The following CLVS1 variants were observed in gnomAD, a reference collection of about 807,000 sequenced individuals.
CLVS1 encodes clavesin 1, also known as clavesin-1.
A neutral mutation model predicts 33.1 loss-of-function variants in CLVS1; 10 were observed. The ratio of observed to expected loss-of-function variants is 0.30; its 90% CI spans 0.19 to 0.51. The LOEUF (loss-of-function observed/expected upper bound fraction) is 0.51. Among genes scored for constraint, CLVS1 ranks in the 20% least tolerant of loss-of-function variants. CLVS1 has a pLI of 0.97. For synonymous variants in CLVS1, 163 were observed against 166.1 expected, an observed-to-expected ratio of 0.98 and a Z score of 0.14; for missense variants, 343 against 433.4, an observed-to-expected ratio of 0.79 and a Z score of 1.85.
intron 2 of CLVS1, among the ~76,000 whole-genome samples, chr8:61,177,243 C>T (rs1563432345): frequency 6.6e-6 from 1 of 152,154 alleles, no homozygotes; most frequent in Non-Finnish European, 1.5e-5. Context: ...CTCTTCAGGC[C>T]GGACACTGGC....
At chr8:61,398,975 G>A (rs150164753) in intron 3 of CLVS1, among the ~76,000 whole-genome samples, 75 of 152,140 alleles carry the variant, frequency 4.9e-4, no homozygotes, top group Middle Eastern at 3.4e-3. Flanking sequence ...GGTTGATTCC[G>A]TGTCTTTGCT....
At chr8:61,447,179 T>C (rs887182967) in intron 3 of CLVS1, among the ~76,000 whole-genome samples, 1 of 152,190 alleles carries the variant, frequency 6.6e-6, no homozygotes, top group African/African-American at 2.4e-5. Flanking sequence ...GAGAGAGTGA[T>C]ATTCAAGTCC....
chr8:61,157,174 A>G (rs911183907), intron 2 of CLVS1, among the ~76,000 whole-genome samples: 4 of 152,182 alleles, frequency 2.6e-5, no homozygotes, highest in Non-Finnish European at 5.9e-5. Flanking sequence ...TGAACTCTGG[A>G]TTCTGACCCC....
At chr8:61,419,909 C>T (rs1815589705) in intron 3 of CLVS1, among the ~76,000 whole-genome samples, 1 of 152,234 alleles carries the variant, frequency 6.6e-6, no homozygotes, top group African/African-American at 2.4e-5. Context: ...TTCCTAACCC[C>T]TTGATATTTG....
At chr8:61,205,822 T>C (rs1376589122) in intron 2 of CLVS1, among the ~76,000 whole-genome samples, 1 of 152,224 alleles carries the variant, frequency 6.6e-6, no homozygotes, top group Non-Finnish European at 1.5e-5. Flanking sequence ...GAGAAGAATG[T>C]TCTTAACACT....
the CLVS1 span, among the ~76,000 whole-genome samples, chr8:60,972,664 C>A: frequency 6.6e-6 from 1 of 152,252 alleles, no homozygotes; most frequent in African/African-American, 2.4e-5. Context: ...CCTGGACCAG[C>A]AACTCCTTTG....
At chr8:61,048,000 G>A in the CLVS1 span, among the ~76,000 whole-genome samples, 5,096 of 152,150 alleles carry the variant, frequency 0.033, 119 homozygotes, top group South Asian at 0.11. Context: ...GAAGAAAAAT[G>A]TACTATATTA....
rs553731131 is a variant in CLVS1, at chr8:61,257,126, C to T, written c.-151-42551C>T. On this transcript the variant is annotated intron_variant, in intron 2 of 2. Transcript: ENST00000522621. The stretch of plus-strand genomic sequence containing the variant: ...TGGGGTAAAATCAATTATAGCTGCA[C>T]CATTTGATTTAAACAAAACCCAGAT... Among the ~76,000 whole-genome samples, 41 of 152,260 alleles carry T rather than the reference C, an allele frequency of 2.7e-4. No homozygotes were observed. In the East Asian group the frequency reaches 6.6e-3, roughly 24 times the overall value.
intron 2 of CLVS1, among the ~76,000 whole-genome samples, chr8:61,247,056 G>A (rs1808827480): frequency 6.6e-6 from 1 of 152,146 alleles, no homozygotes; most frequent in Non-Finnish European, 1.5e-5. Flanking sequence ...AGAACATGCA[G>A]TATTTGATTT....
At chr8:61,141,561 A>C (rs17831399) in intron 2 of CLVS1, among the ~76,000 whole-genome samples, 31,740 of 152,100 alleles carry the variant, frequency 0.21, 3,706 homozygotes, top group Admixed American at 0.33. Flanking sequence ...CATCCCTGCT[A>C]CACTTTTCCT....
At chr8:61,222,526 C>T (rs559918614) in intron 2 of CLVS1, among the ~76,000 whole-genome samples, 369 of 152,294 alleles carry the variant, frequency 2.4e-3, no homozygotes, top group Non-Finnish European at 3.8e-3. Flanking sequence ...TTTGATTGCA[C>T]TGTGGTCTGA....
intron 2 of CLVS1, among the ~76,000 whole-genome samples, chr8:61,304,439 G>A (rs936214075): frequency 6.6e-6 from 1 of 152,194 alleles, no homozygotes; most frequent in African/African-American, 2.4e-5. Flanking sequence ...TTTTGAGGCT[G>A]CCAGGCCGAA....
At chr8:61,415,727 G>C (rs1815403660) in intron 3 of CLVS1, among the ~76,000 whole-genome samples, 1 of 152,096 alleles carries the variant, frequency 6.6e-6, no homozygotes, top group African/African-American at 2.4e-5. Context: ...TGTTTCCAAT[G>C]ACTGGCCACC....
intron 5 of CLVS1, among the ~76,000 whole-genome samples, chr8:61,478,826 TA>T (rs1818065204): frequency 6.6e-6 from 1 of 152,218 alleles, no homozygotes; most frequent in African/African-American, 2.4e-5. Flanking sequence ...CATTTAAGGT[TA>T]ATATTGTTAT....
chr8:61,341,254 A>G (rs1812020025), intron 2 of CLVS1, among the ~76,000 whole-genome samples: 1 of 152,166 alleles, frequency 6.6e-6, no homozygotes, highest in Non-Finnish European at 1.5e-5. Context: ...TCTGGAGGGA[A>G]CTGGGTCTGA....
At chr8:61,017,386 C>T in the CLVS1 span, among the ~76,000 whole-genome samples, 9 of 152,334 alleles carry the variant, frequency 5.9e-5, no homozygotes, top group South Asian at 1.4e-3. Flanking sequence ...GCCATAAAAC[C>T]GTCTAGCCAG....
chr8:61,153,117 A>G (rs1159167419), intron 2 of CLVS1, among the ~76,000 whole-genome samples: 1 of 152,182 alleles, frequency 6.6e-6, no homozygotes, highest in Admixed American at 6.5e-5. Context: ...CCCTGTCTCA[A>G]AAAAATAAAA....
chr8:61,465,892 G>A (rs532891961), intron 5 of CLVS1: 57 of 152,332 alleles, frequency 3.7e-4, no homozygotes, highest in African/African-American at 1.0e-3. Flanking sequence ...TCGATCTCTT[G>A]ACTCTCATGA....
At chr8:61,247,994 T>C (rs1475007349) in intron 2 of CLVS1, among the ~76,000 whole-genome samples, 3 of 152,230 alleles carry the variant, frequency 2.0e-5, no homozygotes, top group Non-Finnish European at 4.4e-5. Flanking sequence ...GTTTCAATCT[T>C]CTGCATAAGG....
Sources: gnomAD v4.1 joint callset for allele counts (sites outside exome capture counted in the v4.1 genomes callset) on GRCh38, gnomAD v4.1.1 for gene constraint, MANE v1.5 for transcripts, NCBI Gene and HGNC (gene_info 2026-07-23, HGNC 2026-07-21) for gene names.